Variants in CBL observed in about 807,000 individuals in gnomAD.
CBL encodes E3 ubiquitin-protein ligase CBL.
In CBL, 45 loss-of-function variants were observed where a neutral mutation model predicts 96.9. That is an observed-to-expected ratio of 0.46 (90% CI 0.37 to 0.60). The LOEUF is 0.60. CBL is among the 20% of genes least tolerant of loss of function. The probability of loss-of-function intolerance (pLI) is 0.00; values close to 1 mark genes in which losing one functional copy is unlikely to be tolerated. For missense variants in CBL, 1,024 were observed against 1,143.5 expected, an observed-to-expected ratio of 0.90 and a Z score of 1.51; for synonymous variants, 420 against 426.8, an observed-to-expected ratio of 0.98 and a Z score of 0.20.
chr11:119,259,850 C>T (rs1162708577), intron 2 of CBL, among the ~76,000 whole-genome samples: 3 of 152,122 alleles, frequency 2.0e-5, no homozygotes, highest in African/African-American at 7.2e-5. Flanking sequence ...TGGATTTATT[C>T]TGCCTTTTGT....
At chr11:119,280,363 G>C (rs1327442333) in intron 9 of CBL, among the ~76,000 whole-genome samples, 1 of 152,060 alleles carries the variant, frequency 6.6e-6, no homozygotes, top group African/African-American at 2.4e-5. Flanking sequence ...TTTATTCCTT[G>C]TACTTTATAG....
At chr11:119,288,063 A>G (rs1284019343) in intron 12 of CBL, 117 bp downstream of exon 12, 11 of 704,764 alleles carry the variant, frequency 1.6e-5, no homozygotes, top group South Asian at 1.1e-4. Flanking sequence ...TCTCTGCACC[A>G]TGTAGAAATG....
Position 119,305,810 on chromosome 11 carries a change from TCTCTCATCTCA to T in CBL, c.*6030_*6040del. The T allele has an allele frequency of 4.3e-6, 1 of 231,202 alleles. No individual in the cohort carries two copies. Among genetic ancestry groups the T allele is most frequent in the Non-Finnish European group, 8.6e-6 (1 of 116,694 alleles). The allele number at this position is 231,202 out of a possible 1,614,324, so 14.3% of individuals were successfully genotyped here. A position where few individuals can be genotyped will look rare whatever the true frequency, so the allele number is the denominator to read the frequency against. On this transcript the variant is annotated 3_prime_UTR_variant, in exon 16 of 16. Coordinates refer to ENST00000264033, the MANE Select transcript of CBL (RefSeq NM_005188.4). ...TGCCTAAATCTTTTGATCTTATATT[TCTCTCATCTCA>T]GAGCCTGTCCTGAGTTGTAAGGTAT...
chr11:119,278,886 A>G (rs1023878468), intron 9 of CBL, among the ~76,000 whole-genome samples, 173 bp downstream of exon 9: 7 of 152,214 alleles, frequency 4.6e-5, no homozygotes, highest in Non-Finnish European at 1.0e-4. Flanking sequence ...TTTTTACTCA[A>G]TCTTTACTAC....
intron 1 of CBL, among the ~76,000 whole-genome samples, chr11:119,229,346 C>T (rs1418431866): frequency 6.6e-6 from 1 of 152,068 alleles, no homozygotes; most frequent in African/African-American, 2.4e-5. Flanking sequence ...CCATGTTCTT[C>T]CCTTTTGACT....
chr11:119,279,265 C>T (rs192284472), intron 9 of CBL, among the ~76,000 whole-genome samples: 11 of 151,428 alleles, frequency 7.3e-5, no homozygotes, highest in African/African-American at 2.4e-4. Flanking sequence ...TACTTTGGGA[C>T]GTTGAGGCTG....
At chr11:119,246,956 CATTA>C (rs777352651) in intron 2 of CBL, among the ~76,000 whole-genome samples, 286 of 152,166 alleles carry the variant, frequency 1.9e-3, no homozygotes, top group Non-Finnish European at 3.4e-3. Context: ...ACATTAAATT[CATTA>C]ATTAAATCTC....
At chr11:119,235,764 A>G (rs1204214563) in intron 2 of CBL, among the ~76,000 whole-genome samples, 1 of 152,220 alleles carries the variant, frequency 6.6e-6, no homozygotes, top group African/African-American at 2.4e-5. Context: ...ACTTCAGTAC[A>G]TGTTGACAAG....
chr11:119,219,317 G>T (rs1319604507), intron 1 of CBL, among the ~76,000 whole-genome samples: 1 of 151,440 alleles, frequency 6.6e-6, no homozygotes, highest in Non-Finnish European at 1.5e-5. Flanking sequence ...GGCAGAGGTG[G>T]CAGTGAGCCG....
chr11:119,244,397 TG>T (rs1431175840), intron 2 of CBL, among the ~76,000 whole-genome samples: 1 of 149,520 alleles, frequency 6.7e-6, no homozygotes, highest in Non-Finnish European at 1.5e-5. Context: ...GCTTCAAACA[TG>T]GTTTGCTTTT....
intron 1 of CBL, among the ~76,000 whole-genome samples, chr11:119,209,982 A>G (rs1428867015): frequency 6.6e-6 from 1 of 152,244 alleles, no homozygotes; most frequent in African/African-American, 2.4e-5. Context: ...ATTGTAATAA[A>G]CATGTGCATA....
intron 3 of CBL, among the ~76,000 whole-genome samples, chr11:119,272,130 G>A (rs1288144102): frequency 1.3e-5 from 2 of 152,008 alleles, no homozygotes; most frequent in African/African-American, 4.8e-5. Context: ...ATCCATTGTG[G>A]TTTCTTTTTG....
chr11:119,277,699 A>G, intron 6 of CBL, 58 bp from the exon 7 acceptor site: 1 of 1,128,916 alleles, frequency 8.9e-7, no homozygotes, highest in Non-Finnish European at 1.4e-6. Context: ...ATTTGTCTAT[A>G]TTAGCAAGCA....
intron 4 of CBL, among the ~76,000 whole-genome samples, chr11:119,274,318 C>T (rs1949871631): frequency 6.6e-6 from 1 of 151,986 alleles, no homozygotes. Flanking sequence ...TGTAGAATGG[C>T]CAGAATATGA....
At chr11:119,298,140 C>T (rs980326380) in intron 14 of CBL, among the ~76,000 whole-genome samples, 1 of 152,170 alleles carries the variant, frequency 6.6e-6, no homozygotes. Context: ...CAAGAATAAC[C>T]TTTGGCATGT....
chr11:119,222,166 G>A (rs1949417047), intron 1 of CBL, among the ~76,000 whole-genome samples: 1 of 166 alleles, frequency 6.0e-3, no homozygotes, highest in Admixed American at 0.056. Flanking sequence ...GGAGTCTTTA[G>A]AGATAAAAAT....
Position 119,306,104 on chromosome 11 carries a change from G to GT in CBL, c.*6324dup. 1 of 395,266 alleles carries GT rather than the reference G, an allele frequency of 2.5e-6. No individual in the cohort carries two copies. The highest frequency in any genetic ancestry group is 4.5e-6 in the Non-Finnish European group (1 of 224,394). 24.5% of individuals were successfully genotyped at this position (395,266 alleles called of 1,614,324 possible). ...CTTGGTTCTGGAAAGTAGCAAAAGAGTAGGAGATGGGGAAATAGGGATGGG... is the reference window on the plus strand; with the variant it reads ...CTTGGTTCTGGAAAGTAGCAAAAGAGTTAGGAGATGGGGAAATAGGGATGGG... On this transcript the variant is annotated 3_prime_UTR_variant, in exon 16 of 16. Transcript: ENST00000264033.
At chr11:119,248,454 A>G (rs1028276594) in intron 2 of CBL, among the ~76,000 whole-genome samples, 2 of 152,228 alleles carry the variant, frequency 1.3e-5, no homozygotes, top group African/African-American at 4.8e-5. Context: ...TATGTTGCAT[A>G]TAAAAATCCT....
chr11:119,261,156 C>T (rs905840082), intron 2 of CBL, among the ~76,000 whole-genome samples: 13 of 151,878 alleles, frequency 8.6e-5, no homozygotes, highest in African/African-American at 2.7e-4. Flanking sequence ...TCAGGTGAGC[C>T]GTCTGCCTTG....
Sources: allele counts gnomAD v4.1 joint callset (sites outside exome capture counted in the v4.1 genomes callset), GRCh38; gene constraint gnomAD v4.1.1; transcripts MANE v1.5; gene names NCBI Gene and HGNC (gene_info 2026-07-23, HGNC 2026-07-21).